Variants in ABCB10 observed in about 807,000 individuals in gnomAD.
The protein encoded by ABCB10 is ATP-binding cassette sub-family B member 10, mitochondrial.
ABCB10 carries 54 observed loss-of-function variants against 65.4 expected under a neutral mutation model. The ratio of observed to expected loss-of-function variants is 0.83; its 90% CI spans 0.66 to 1.04. The LOEUF (loss-of-function observed/expected upper bound fraction) is 1.04. ABCB10 is among the 50% of genes least tolerant of loss of function. The pLI is 0.00. For synonymous variants in ABCB10, 418 were observed against 406.5 expected (o/e 1.03, Z -0.34); for missense variants, 846 against 976.6 (o/e 0.87, Z 1.78).
At chr1:229,549,089 T>A (rs12066680) in intron 2 of ABCB10, 145 bp downstream of exon 2, 2 of 781,866 alleles carry the variant, frequency 2.6e-6, no homozygotes, top group Non-Finnish European at 4.2e-6. Context: ...TGGGCAGTCA[T>A]TGGACTCTAT....
At chr1:229,553,309 C>T (rs1663162902) in intron 1 of ABCB10, among the ~76,000 whole-genome samples, 1 of 152,040 alleles carries the variant, frequency 6.6e-6, no homozygotes, top group African/African-American at 2.4e-5. Flanking sequence ...GAGGTTTCTC[C>T]ATGTTGGTCA....
At chr1:229,550,525 C>CAAAA (rs60323914) in intron 1 of ABCB10, among the ~76,000 whole-genome samples, 9,598 of 63,092 alleles carry the variant, frequency 0.15, 433 homozygotes, top group Non-Finnish European at 0.19. Flanking sequence ...ATGCTGTCTC[C>CAAAA]AAAAAAAAAA....
intron 8 of ABCB10, among the ~76,000 whole-genome samples, chr1:229,529,467 G>A (rs1203438328): frequency 2.6e-4 from 39 of 149,964 alleles, no homozygotes; most frequent in African/African-American, 8.3e-4. Context: ...TCAGGAGATC[G>A]AGACCATCCT....
chr1:229,524,224 G>A (rs1662379468), intron 10 of ABCB10, among the ~76,000 whole-genome samples: 1 of 151,482 alleles, frequency 6.6e-6, no homozygotes, highest in Non-Finnish European at 1.5e-5. Context: ...GCAGTGGTGC[G>A]ATCCCAGCTC....
intron 12 of ABCB10, 116 bp downstream of exon 12, chr1:229,518,724 AG>A: frequency 1.1e-6 from 1 of 936,122 alleles, no homozygotes. Context: ...TTTAGAGTAA[AG>A]GGGGGAAAAA....
Position 229,542,267 on chromosome 1 carries a change from G to A in ABCB10, c.1026C>T (p.Val342=). Residue 342 remains valine (V), a synonymous_variant, in exon 4 of 13, where the codon GTC becomes GTT. Transcript: ENST00000344517. ...TGGCTTGTGCCAGGGAATCCTGAGT[G>A]ACTTTGGTCAGTTTCCGTAGATATC... The part of the protein sequence containing the change: ...YGRYLRKLTK[V]TQDSLAQATQ... 1 of 1,614,064 alleles carries A rather than the reference G, an allele frequency of 6.2e-7. No individual in the cohort carries two copies.
At chr1:229,518,730 G>C in intron 12 of ABCB10, 111 bp downstream of exon 12, 1 of 1,011,974 alleles carries the variant, frequency 9.9e-7, no homozygotes, top group Non-Finnish European at 1.5e-6. Flanking sequence ...GTAAAGGGGG[G>C]AAAAAGGATT....
In ABCB10 at chr1:229,516,817, G is replaced by A. The variant is rs1371833245; in HGVS notation, c.*1362C>T. 2.0e-5 allele frequency: 3 copies of A among 152,136 alleles called. No homozygotes were observed. Among genetic ancestry groups the A allele is most frequent in the African/African-American group, 7.2e-5 (3 of 41,426 alleles). 9.4% of individuals were successfully genotyped at this position (152,136 alleles called of 1,614,324 possible). A position where few individuals can be genotyped will look rare whatever the true frequency, so the allele number is the denominator to read the frequency against. ...TAAAAATGATTGTCACAGATGTACT[G>A]TTTACTAATTCAAAGAACACTATAT... On this transcript the variant is annotated 3_prime_UTR_variant, in exon 13 of 13. Coordinates refer to ENST00000344517, the MANE Select transcript of ABCB10 (RefSeq NM_012089.3).
Position 229,547,589 on chromosome 1 carries a change from T to A in ABCB10, c.831A>T (p.Ser277=). 1.9e-6 allele frequency: 3 copies of A among 1,614,138 alleles called. No homozygotes were observed. The highest frequency in any genetic ancestry group is 2.5e-6 in the Non-Finnish European group (3 of 1,179,986). The part of the protein sequence containing the change: ...RTGELINRLS[S]DTALLGRSVT... ...CTGAGCGCCCCAGGAGTGCAGTGTC[T>A]GATGAGAGGCGGTTAATCAATTCTC... Residue 277 remains serine (S), a synonymous_variant, in exon 3 of 13, where the codon TCA becomes TCT. Transcript: ENST00000344517.
At chr1:229,545,093 T>C (rs1662936698) in intron 3 of ABCB10, among the ~76,000 whole-genome samples, 1 of 152,248 alleles carries the variant, frequency 6.6e-6, no homozygotes, top group South Asian at 2.1e-4. Flanking sequence ...GGTATTATTA[T>C]GGCATCCCAA....
chr1:229,543,109 A>C (rs1662889760), intron 3 of ABCB10, among the ~76,000 whole-genome samples: 1 of 149,968 alleles, frequency 6.7e-6, no homozygotes, highest in African/African-American at 2.5e-5. Context: ...CCGCCTGGGC[A>C]ACAAGAGCAA....
At chr1:229,532,145 G>T (rs1156977428) in intron 6 of ABCB10, among the ~76,000 whole-genome samples, 1 of 151,920 alleles carries the variant, frequency 6.6e-6, no homozygotes, top group African/African-American at 2.4e-5. Flanking sequence ...TAGAGATGGG[G>T]TTTCGCATGT....
intron 8 of ABCB10, among the ~76,000 whole-genome samples, chr1:229,529,295 C>CA (rs59264291): frequency 0.062 from 1,422 of 23,098 alleles, 428 homozygotes; most frequent in East Asian, 0.1. Context: ...GACTCCGTCT[C>CA]AAAAAAAAAA....
chr1:229,530,302 G>C lies in ABCB10; in HGVS notation c.1542C>G (p.Ser514Arg). ...RPEVPIFQDF[S>R]LSIPSGSVTA... is the part of the protein sequence containing the mutation. ...TGACAGATCCTGACGGAATGGAAAG[G>C]CTGAAATCCTGAAATATGGGCACCT... is the stretch of plus-strand genomic sequence containing the variant. Residue 514 changes from serine to arginine, a missense_variant, in exon 8 of 13, where the codon AGC becomes AGG. Around this residue, in one of 2 missense-constraint regions of ABCB10, gnomAD observed 632 missense variants for 803.2 expected, o/e 0.79. Coordinates refer to ENST00000344517, the MANE Select transcript of ABCB10 (RefSeq NM_012089.3). The C allele has an allele frequency of 1.2e-6, 2 of 1,614,170 alleles. No individual in the cohort carries two copies. The highest frequency in any genetic ancestry group is 1.7e-6 in the Non-Finnish European group (2 of 1,180,032).
At chr1:229,528,630 A>G (rs1415184571) in intron 8 of ABCB10, among the ~76,000 whole-genome samples, 1 of 152,160 alleles carries the variant, frequency 6.6e-6, no homozygotes, top group East Asian at 1.9e-4. Context: ...CAGCTCTCAC[A>G]TTGTTTTAAC....
At position 229,518,423 on chromosome 1, in the gene ABCB10, C is replaced by A; in HGVS notation, c.1986-13G>T. On this transcript the variant is annotated splice_polypyrimidine_tract_variant and intron_variant, in intron 12 of 12. Transcript: ENST00000344517. ...GGCATCCAGCGCACTGACACAGGAG[C>A]ACACACACAAGAAAGCAAAGACGTC... The A allele has an allele frequency of 1.2e-6, 2 of 1,609,926 alleles. No homozygotes were observed. The highest frequency in any genetic ancestry group is 8.5e-7 in the Non-Finnish European group (1 of 1,176,244).
At chr1:229,550,929 C>A (rs1663098112) in intron 1 of ABCB10, among the ~76,000 whole-genome samples, 2 of 152,010 alleles carry the variant, frequency 1.3e-5, no homozygotes, top group African/African-American at 4.8e-5. Flanking sequence ...TAACTGCATT[C>A]ATAATAAGAC....
intron 3 of ABCB10, among the ~76,000 whole-genome samples, chr1:229,545,181 T>C (rs1403234894): frequency 6.6e-6 from 1 of 152,208 alleles, no homozygotes; most frequent in Admixed American, 6.5e-5. Context: ...AAGTGATTTT[T>C]CCCAGCTTGA....
intron 3 of ABCB10, 104 bp from the exon 4 acceptor site, chr1:229,542,475 G>C: frequency 1.5e-6 from 2 of 1,355,016 alleles, no homozygotes. Flanking sequence ...GTCTGTGTGT[G>C]TGTGTGTTTA....
Sources: gnomAD v4.1 joint callset for allele counts (sites outside exome capture counted in the v4.1 genomes callset) on GRCh38, gnomAD v4.1.1 for gene constraint, gnomAD v4.1.1 regional missense constraint, MANE v1.5 for transcripts, NCBI Gene and HGNC (gene_info 2026-07-23, HGNC 2026-07-21) for gene names.